Variants in KALRN observed in about 807,000 individuals in gnomAD.
The protein encoded by KALRN is kalirin RhoGEF kinase.
In KALRN, 70 loss-of-function variants were observed where a neutral mutation model predicts 353.7. The observed-to-expected ratio is 0.20, with a 90% CI of 0.16 to 0.24. The LOEUF is 0.24. Ranked by LOEUF, KALRN falls within the 10% of genes least tolerant of loss-of-function variation. The pLI is 1.00. For missense variants in KALRN, 2,791 were observed against 3,756.7 expected (o/e 0.74, Z 6.72); for synonymous variants, 1,391 against 1,434.8 (o/e 0.97, Z 0.69).
Position 124,261,073 on chromosome 3 carries a change from A to G in KALRN, c.264-3425A>G, listed in dbSNP as rs989175014. On this transcript the variant is annotated intron_variant, in intron 3 of 59. Transcript: ENST00000682506. Reference sequence around the variant, plus strand: ...TTTTTTTTTTTTTGTATTTTTGAGTAGAGATGGAGTTTCACCACGCCGGCC... The same window carrying G: ...TTTTTTTTTTTTTGTATTTTTGAGTGGAGATGGAGTTTCACCACGCCGGCC... Among the ~76,000 whole-genome samples the G allele has an allele frequency of 2.8e-5, 4 of 144,808 alleles. No individual in the cohort carries two copies. In the Admixed American group the frequency reaches 2.8e-4, roughly 10 times the overall value. The allele number at this position is 144,808 out of a possible 152,430, so 95.0% of individuals were successfully genotyped here.
chr3:124,169,875 CAG>C (rs2071477512), intron 1 of KALRN, among the ~76,000 whole-genome samples: 1 of 152,070 alleles, frequency 6.6e-6, no homozygotes, highest in Admixed American at 6.5e-5. Flanking sequence ...ATTAGGGTAA[CAG>C]GGTATTTTTC....
chr3:124,328,887 G>A (rs2080208206), intron 7 of KALRN, among the ~76,000 whole-genome samples: 1 of 152,188 alleles, frequency 6.6e-6, no homozygotes, highest in African/African-American at 2.4e-5. Flanking sequence ...CATAAACCAT[G>A]CTTCTTTTTA....
Position 124,085,459 on chromosome 3 carries a change from A to C in KALRN, c.73+51646A>C, listed in dbSNP as rs186393647. 2.0e-3 allele frequency among the ~76,000 whole-genome samples: 302 copies of C among 152,322 alleles called. 2 individuals are homozygous for C. Among genetic ancestry groups the C allele is most frequent in the Non-Finnish European group, 4.3e-4 (29 of 68,032 alleles). On this transcript the variant is annotated intron_variant, in intron 1 of 59. Transcript: ENST00000682506. ...ACCCATCCTGACTCTTGTGGTAAAT[A>C]AGGGATGTGGAACAAAGTGGGGAAT...
chr3:124,151,407 C>T (rs898215381), intron 1 of KALRN, among the ~76,000 whole-genome samples: 3 of 152,038 alleles, frequency 2.0e-5, no homozygotes, highest in African/African-American at 7.3e-5. Flanking sequence ...ACATTGTGGG[C>T]GTTATGTTTT....
chr3:124,485,881 A>T (rs1004971966), intron 28 of KALRN, among the ~76,000 whole-genome samples: 8 of 152,210 alleles, frequency 5.3e-5, no homozygotes, highest in Non-Finnish European at 1.0e-4. Context: ...CTCTGTCTCA[A>T]AAAAAAGAAG....
At chr3:124,625,650 A>G (rs917411493) in intron 34 of KALRN, among the ~76,000 whole-genome samples, 1 of 152,216 alleles carries the variant, frequency 6.6e-6, no homozygotes, top group Non-Finnish European at 1.5e-5. Context: ...AGCACTGCCT[A>G]GAAGAATTCT....
At chr3:124,244,098 A>G (rs962578962) in intron 3 of KALRN, among the ~76,000 whole-genome samples, 6 of 152,196 alleles carry the variant, frequency 3.9e-5, no homozygotes, top group African/African-American at 1.2e-4. Flanking sequence ...TTTGGCCTAT[A>G]TTTTTAAATT....
intron 3 of KALRN, among the ~76,000 whole-genome samples, chr3:124,261,977 A>G (rs1191599536): frequency 1.3e-5 from 2 of 152,216 alleles, no homozygotes; most frequent in African/African-American, 4.8e-5. Context: ...TTTACAGGCC[A>G]AAAAGCAATA....
In KALRN at chr3:124,671,635, G is replaced by A. The variant is rs200665052; in HGVS notation, c.6704-25G>A. Reference sequence around the variant, plus strand: ...CCTTGTGGGATTCCCAAAGCTTAGAGTAACCACCTGCTCTTATCCCACAGC... The same window carrying A: ...CCTTGTGGGATTCCCAAAGCTTAGAATAACCACCTGCTCTTATCCCACAGC... On this transcript the variant is annotated intron_variant, in intron 47 of 59. Transcript: ENST00000682506. 93 of 1,553,790 alleles carry A rather than the reference G, an allele frequency of 6.0e-5. 1 individual carries two copies. Among genetic ancestry groups the A allele is most frequent in the African/African-American group, 1.4e-5 (1 of 73,640 alleles).
intron 31 of KALRN, among the ~76,000 whole-genome samples, chr3:124,492,135 T>A (rs1288059334): frequency 1.3e-5 from 2 of 152,178 alleles, no homozygotes; most frequent in Non-Finnish European, 2.9e-5. Context: ...AAGCTTCACA[T>A]GTATTCACTC....
At chr3:124,080,640 C>A (rs559381496) in intron 1 of KALRN, among the ~76,000 whole-genome samples, 2 of 152,300 alleles carry the variant, frequency 1.3e-5, no homozygotes, top group African/African-American at 4.8e-5. Flanking sequence ...TGTTTAAAAT[C>A]ATCATAAACA....
intron 1 of KALRN, among the ~76,000 whole-genome samples, chr3:124,196,631 C>T (rs1421930076): frequency 1.3e-5 from 2 of 152,132 alleles, no homozygotes; most frequent in East Asian, 3.9e-4. Flanking sequence ...TCTTGATCAT[C>T]TAAATACATA....
chr3:124,599,913 G>A (rs763309838), intron 34 of KALRN, among the ~76,000 whole-genome samples: 3 of 152,190 alleles, frequency 2.0e-5, no homozygotes, highest in African/African-American at 4.8e-5. Flanking sequence ...CTCTGCCAGA[G>A]TGTCTATGGG....
intron 1 of KALRN, among the ~76,000 whole-genome samples, chr3:124,217,951 G>T (rs2077505150): frequency 1.3e-5 from 2 of 152,204 alleles, no homozygotes; most frequent in South Asian, 4.1e-4. Flanking sequence ...TCATGGTGAG[G>T]ACACTGGAGC....
At chr3:124,039,044 A>G (rs2039695835) in intron 1 of KALRN, among the ~76,000 whole-genome samples, 3 of 152,236 alleles carry the variant, frequency 2.0e-5, no homozygotes, top group Admixed American at 6.5e-5. Flanking sequence ...TTGGACCTGC[A>G]GACACATTAA....
intron 1 of KALRN, among the ~76,000 whole-genome samples, chr3:124,136,622 G>C (rs542180159): frequency 6.6e-6 from 1 of 152,298 alleles, no homozygotes; most frequent in African/African-American, 2.4e-5. Context: ...GGAGAGTAGA[G>C]TTTGTTGGCC....
intron 2 of KALRN, among the ~76,000 whole-genome samples, chr3:124,231,822 T>A (rs1012019865): frequency 1.3e-5 from 2 of 152,200 alleles, no homozygotes; most frequent in African/African-American, 4.8e-5. Flanking sequence ...ATTGTTACAT[T>A]GACTTTATCA....
intron 1 of KALRN, among the ~76,000 whole-genome samples, chr3:124,075,958 G>T (rs769015265): frequency 2.0e-5 from 3 of 152,190 alleles, no homozygotes; most frequent in Non-Finnish European, 4.4e-5. Flanking sequence ...GCCCAAGGTC[G>T]CCAGCCTTGT....
chr3:124,545,519 G>A (rs2069527731), intron 33 of KALRN, among the ~76,000 whole-genome samples: 1 of 152,170 alleles, frequency 6.6e-6, no homozygotes, highest in Non-Finnish European at 1.5e-5. Flanking sequence ...ACTGTAGGCA[G>A]TGTGGGAAGC....
Sources: gnomAD v4.1 joint callset for allele counts (sites outside exome capture counted in the v4.1 genomes callset) on GRCh38, gnomAD v4.1.1 for gene constraint, MANE v1.5 for transcripts, NCBI Gene and HGNC (gene_info 2026-07-23, HGNC 2026-07-21) for gene names.